Variants in SKAP2 observed in about 807,000 individuals in gnomAD.
SKAP2 encodes src kinase-associated phosphoprotein 2.
Under a neutral mutation model 54.9 loss-of-function variants are expected in SKAP2, and 28 were observed. The ratio of observed to expected loss-of-function variants is 0.51; its 90% confidence interval spans 0.38 to 0.70. The LOEUF (loss-of-function observed/expected upper bound fraction) is 0.70, where lower values mean the gene tolerates loss of function less well. Ranked by LOEUF, SKAP2 falls within the 30% of genes least tolerant of loss-of-function variation. SKAP2 has a pLI of 0.00. For missense variants in SKAP2, 356 were observed against 424.1 expected, an observed-to-expected ratio of 0.84 and a Z score of 1.41; for synonymous variants, 137 against 134.3, an observed-to-expected ratio of 1.02 and a Z score of -0.14.
At chr7:26,831,530 T>A (rs931237527) in intron 4 of SKAP2, among the ~76,000 whole-genome samples, 1 of 152,160 alleles carries the variant, frequency 6.6e-6, no homozygotes, top group African/African-American at 2.4e-5. Context: ...TTATTTAAGA[T>A]AATCCCTAAA....
chr7:26,703,490 T>C (rs1584340697), intron 9 of SKAP2, among the ~76,000 whole-genome samples: 1 of 152,226 alleles, frequency 6.6e-6, no homozygotes, highest in East Asian at 1.9e-4. Flanking sequence ...TAATCCCATA[T>C]ATGCATTTGA....
intron 4 of SKAP2, among the ~76,000 whole-genome samples, chr7:26,792,938 C>CT: frequency 6.6e-6 from 1 of 152,180 alleles, no homozygotes; most frequent in Admixed American, 6.5e-5. Context: ...AGATATTAAT[C>CT]AATACATTGC....
At chr7:26,799,757 G>C (rs147357115) in intron 4 of SKAP2, among the ~76,000 whole-genome samples, 2 of 152,158 alleles carry the variant, frequency 1.3e-5, no homozygotes, top group African/African-American at 2.4e-5. Flanking sequence ...TGCAGAATAC[G>C]CATTCTTTTC....
At chr7:26,670,651 C>A (rs1786207418) in intron 11 of SKAP2, among the ~76,000 whole-genome samples, 1 of 151,832 alleles carries the variant, frequency 6.6e-6, no homozygotes, top group African/African-American at 2.4e-5. Context: ...ACTTATATGA[C>A]CTAAAATGAT....
intron 4 of SKAP2, among the ~76,000 whole-genome samples, chr7:26,784,643 T>C (rs1359365496): frequency 6.6e-6 from 1 of 152,190 alleles, no homozygotes; most frequent in Non-Finnish European, 1.5e-5. Flanking sequence ...CATCAAGTCC[T>C]AACAAATAAT....
intron 9 of SKAP2, among the ~76,000 whole-genome samples, chr7:26,704,855 A>T (rs190617852): frequency 6.6e-6 from 1 of 152,360 alleles, no homozygotes; most frequent in East Asian, 1.9e-4. Flanking sequence ...ACACTTGCTC[A>T]GTTTTGGCCC....
intron 4 of SKAP2, among the ~76,000 whole-genome samples, chr7:26,814,143 A>AG (rs1158387141): frequency 1.1e-5 from 1 of 94,454 alleles, no homozygotes; most frequent in Non-Finnish European, 2.5e-5. Context: ...TTTGTTTAAC[A>AG]AAAGCACAAT....
At chr7:26,683,025 C>T (rs1045232838) in intron 11 of SKAP2, among the ~76,000 whole-genome samples, 19 of 152,158 alleles carry the variant, frequency 1.2e-4, no homozygotes, top group African/African-American at 4.3e-4. Context: ...AATAGATCCA[C>T]ATGGGCTTTA....
At chr7:26,787,436 C>A (rs1305737111) in intron 4 of SKAP2, among the ~76,000 whole-genome samples, 4 of 152,028 alleles carry the variant, frequency 2.6e-5, no homozygotes, top group Non-Finnish European at 5.9e-5. Context: ...AATTCTCCTA[C>A]CTTAACCTCC....
At chr7:26,826,886 A>G (rs1314299361) in intron 4 of SKAP2, among the ~76,000 whole-genome samples, 1 of 152,162 alleles carries the variant, frequency 6.6e-6, no homozygotes, top group Non-Finnish European at 1.5e-5. Context: ...AACGTACACT[A>G]TTACCCTTTC....
chr7:26,661,529 G>A, the SKAP2 span, among the ~76,000 whole-genome samples: 1 of 152,248 alleles, frequency 6.6e-6, no homozygotes, highest in South Asian at 2.1e-4. Context: ...TAAATATCAT[G>A]AGAAAAGTTT....
At chr7:26,719,558 A>C (rs1053981070) in intron 9 of SKAP2, among the ~76,000 whole-genome samples, 2 of 152,200 alleles carry the variant, frequency 1.3e-5, no homozygotes, top group Admixed American at 1.3e-4. Context: ...CAAAAGAACA[A>C]CCCTATCAGA....
chr7:26,680,992 C>A (rs1216704206), intron 11 of SKAP2, among the ~76,000 whole-genome samples: 2 of 152,040 alleles, frequency 1.3e-5, no homozygotes, highest in Non-Finnish European at 2.9e-5. Flanking sequence ...AATAAATCAC[C>A]CCCAGGTTGA....
intron 4 of SKAP2, among the ~76,000 whole-genome samples, chr7:26,781,007 A>AG (rs1190272996): frequency 1.3e-5 from 2 of 152,144 alleles, no homozygotes; most frequent in South Asian, 2.1e-4. Context: ...TAATATACAA[A>AG]TTCCTATTAT....
Position 26,697,536 on chromosome 7 carries a change from C to T in SKAP2, c.797-7174G>A, listed in dbSNP as rs143784791. On this transcript the variant is annotated intron_variant, in intron 9 of 12. Coordinates refer to ENST00000345317, the MANE Select transcript of SKAP2 (RefSeq NM_003930.5). ...CTTGGCTTTTTATTAAAGTTTATAA[C>T]AAATTGTGTAATTCTAAAATTCTTT... is the stretch of plus-strand genomic sequence containing the variant. Among the ~76,000 whole-genome samples, 22 of 152,216 alleles carry T rather than the reference C, an allele frequency of 1.4e-4. No homozygotes were observed. In the East Asian group the frequency reaches 3.5e-3, roughly 24 times the overall value.
intron 11 of SKAP2, among the ~76,000 whole-genome samples, chr7:26,674,518 G>A (rs539446006): frequency 3.0e-4 from 45 of 152,192 alleles, no homozygotes; most frequent in African/African-American, 1.0e-3. Context: ...CAACCTCGGC[G>A]TTTTACTATT....
chr7:26,705,704 C>CT (rs1262528703), intron 9 of SKAP2, among the ~76,000 whole-genome samples: 1 of 152,156 alleles, frequency 6.6e-6, no homozygotes, highest in Non-Finnish European at 1.5e-5. Flanking sequence ...ATACAATACA[C>CT]TACTTGGCAT....
chr7:26,670,348 A>G (rs183882663), intron 11 of SKAP2, among the ~76,000 whole-genome samples, 156 bp from the exon 12 acceptor site: 142 of 152,278 alleles, frequency 9.3e-4, no homozygotes, highest in Non-Finnish European at 2.2e-4. Context: ...TGGACACTTT[A>G]AAATGCTGTT....
chr7:26,670,217 T>C, intron 11 of SKAP2, 25 bp from the exon 12 acceptor site: 1 of 1,058,626 alleles, frequency 9.4e-7, no homozygotes, highest in Non-Finnish European at 1.5e-6. Context: ...TATGCAATAT[T>C]AACCTTTAGA....
Sources: allele counts gnomAD v4.1 joint callset (sites outside exome capture counted in the v4.1 genomes callset), GRCh38; gene constraint gnomAD v4.1.1; transcripts MANE v1.5; gene names NCBI Gene and HGNC (gene_info 2026-07-23, HGNC 2026-07-21).